GABRB2: variants seen among roughly 807,000 people sequenced by gnomAD.
GABRB2 encodes the protein gamma-aminobutyric acid receptor subunit beta-2.
Under a neutral mutation model 54.7 loss-of-function variants are expected in GABRB2, and 16 were observed. The ratio of observed to expected loss-of-function variants is 0.29; its 90% CI spans 0.20 to 0.44. The LOEUF (loss-of-function observed/expected upper bound fraction) is 0.44. Among genes scored for constraint, GABRB2 ranks in the 20% least tolerant of loss-of-function variants. The pLI is 1.00. For missense variants in GABRB2, 355 were observed against 644.0 expected (o/e 0.55, Z 4.86); for synonymous variants, 244 against 233.8 (o/e 1.04, Z -0.40).
intron 3 of GABRB2, among the ~76,000 whole-genome samples, chr5:161,487,121 T>C (rs1251652015): frequency 6.6e-6 from 1 of 151,970 alleles, no homozygotes; most frequent in Non-Finnish European, 1.5e-5. Context: ...ACACAGATAC[T>C]GAAAATGTTC....
Position 161,481,230 on chromosome 5 carries a change from G to A in GABRB2, c.238-21386C>T, listed in dbSNP as rs142058769. On this transcript the variant is annotated intron_variant, in intron 3 of 9. Transcript: ENST00000393959. Reference sequence around the variant, plus strand: ...TAGATGAATGGAATCCATATTAGATGTGGCCACATAAGTGAAGAAGCCAAC... The same window carrying A: ...TAGATGAATGGAATCCATATTAGATATGGCCACATAAGTGAAGAAGCCAAC... Among the ~76,000 whole-genome samples, 48 of 152,134 alleles carry A rather than the reference G, an allele frequency of 3.2e-4. No homozygotes were observed. In the East Asian group the frequency reaches 8.5e-3, roughly 27 times the overall value.
In GABRB2 at chr5:161,293,492, G is replaced by A. The variant is rs1220474780; in HGVS notation, c.*589C>T. On this transcript the variant is annotated 3_prime_UTR_variant, in exon 10 of 10. Coordinates refer to ENST00000393959, the MANE Select transcript of GABRB2 (RefSeq NM_001371727.1). ...GTTGATTCTCCGTGCTCAAGCAAAGGGACTGGCCAAATCGGTTTCCTGAGT... is the reference window on the plus strand; with the variant it reads ...GTTGATTCTCCGTGCTCAAGCAAAGAGACTGGCCAAATCGGTTTCCTGAGT... 1 of 152,340 alleles carries A rather than the reference G, an allele frequency of 6.6e-6. No individual in the cohort carries two copies. Among genetic ancestry groups the A allele is most frequent in the Admixed American group, 6.5e-5 (1 of 15,300 alleles). 9.4% of individuals were successfully genotyped at this position (152,340 alleles called of 1,614,324 possible).
intron 5 of GABRB2, among the ~76,000 whole-genome samples, chr5:161,373,498 A>G (rs1392464133): frequency 6.6e-6 from 1 of 152,102 alleles, no homozygotes; most frequent in Admixed American, 6.6e-5. Flanking sequence ...ATATTGTTCC[A>G]CTGATCAAAC....
chr5:161,388,407 T>A (rs924229787), intron 5 of GABRB2, among the ~76,000 whole-genome samples: 7 of 152,056 alleles, frequency 4.6e-5, no homozygotes, highest in Admixed American at 1.3e-4. Flanking sequence ...CCTATCGAAA[T>A]TTTTCAAACT....
intron 4 of GABRB2, among the ~76,000 whole-genome samples, chr5:161,416,041 CA>C (rs1756656622): frequency 1.3e-5 from 2 of 152,248 alleles, no homozygotes; most frequent in African/African-American, 4.8e-5. Context: ...CAGGTTCAAG[CA>C]ATCCTCCTAC....
intron 7 of GABRB2, among the ~76,000 whole-genome samples, chr5:161,333,153 T>C (rs1019268269): frequency 6.6e-6 from 1 of 152,224 alleles, no homozygotes; most frequent in Non-Finnish European, 1.5e-5. Flanking sequence ...ATGAATTATT[T>C]ATTGTTCCTG....
intron 4 of GABRB2, among the ~76,000 whole-genome samples, chr5:161,444,452 G>C (rs542283485): frequency 1.3e-5 from 2 of 152,008 alleles, no homozygotes; most frequent in African/African-American, 4.8e-5. Context: ...GGCTAATATG[G>C]GTCACTTAAT....
In GABRB2 at chr5:161,492,466, C is replaced by T. The variant is rs114598615; in HGVS notation, c.238-32622G>A. Among the ~76,000 whole-genome samples the T allele has an allele frequency of 4.5e-3, 679 of 151,786 alleles. 4 individuals carry two copies. Among genetic ancestry groups the T allele is most frequent in the African/African-American group, 0.016 (650 of 41,480 alleles). Reference sequence around the variant, plus strand: ...CCATTTCCTTGAAACCCAAGGAAGACTGTTAAACTAAGCCGTGTTAAACAC... The same window carrying T: ...CCATTTCCTTGAAACCCAAGGAAGATTGTTAAACTAAGCCGTGTTAAACAC... On this transcript the variant is annotated intron_variant, in intron 3 of 9. Coordinates refer to ENST00000393959, the MANE Select transcript of GABRB2 (RefSeq NM_001371727.1).
At chr5:161,336,877 A>C in intron 5 of GABRB2, 108 bp from the exon 6 acceptor site, 1 of 1,118,966 alleles carries the variant, frequency 8.9e-7, no homozygotes, top group Non-Finnish European at 1.2e-6. Context: ...TATATAAATA[A>C]TATAAAGATA....
intron 3 of GABRB2, among the ~76,000 whole-genome samples, chr5:161,527,200 A>T (rs182834603): frequency 6.6e-6 from 1 of 151,414 alleles, no homozygotes; most frequent in African/African-American, 2.4e-5. Flanking sequence ...GACAAGAAGG[A>T]TTTCCTATGT....
intron 4 of GABRB2, among the ~76,000 whole-genome samples, chr5:161,431,026 C>G (rs1189779540): frequency 6.6e-6 from 1 of 152,058 alleles, no homozygotes; most frequent in Non-Finnish European, 1.5e-5. Context: ...AATTGTGTCT[C>G]CAAAAACACA....
intron 4 of GABRB2, among the ~76,000 whole-genome samples, chr5:161,447,369 T>C (rs917468180): frequency 2.0e-5 from 3 of 152,160 alleles, no homozygotes; most frequent in African/African-American, 7.2e-5. Flanking sequence ...GATTTGTTCT[T>C]TATCCTGGTC....
chr5:161,485,461 C>G (rs559180850), intron 3 of GABRB2, among the ~76,000 whole-genome samples: 3 of 152,034 alleles, frequency 2.0e-5, no homozygotes, highest in Middle Eastern at 3.4e-3. Context: ...TTGAGCTGAG[C>G]ATCATTCTTT....
intron 4 of GABRB2, among the ~76,000 whole-genome samples, chr5:161,431,531 C>T (rs1757171613): frequency 6.6e-6 from 1 of 152,154 alleles, no homozygotes; most frequent in African/African-American, 2.4e-5. Context: ...GGCAAGAATG[C>T]TCTGCCAAAC....
At chr5:161,458,836 A>G (rs940957119) in intron 4 of GABRB2, among the ~76,000 whole-genome samples, 1 of 152,244 alleles carries the variant, frequency 6.6e-6, no homozygotes, top group African/African-American at 2.4e-5. Flanking sequence ...TATTATCACC[A>G]TTATGAGAAG....
chr5:161,353,993 A>G (rs1754544664), intron 5 of GABRB2, among the ~76,000 whole-genome samples: 1 of 152,066 alleles, frequency 6.6e-6, no homozygotes, highest in Non-Finnish European at 1.5e-5. Context: ...CTACGGTTTT[A>G]CACACAAATG....
chr5:161,428,873 C>T (rs1435142488), intron 4 of GABRB2, among the ~76,000 whole-genome samples: 1 of 152,018 alleles, frequency 6.6e-6, no homozygotes, highest in African/African-American at 2.4e-5. Flanking sequence ...AGCACAAAAA[C>T]AATTAGGGCA....
chr5:161,314,274 G>A (rs1229267722), intron 9 of GABRB2, among the ~76,000 whole-genome samples: 1 of 152,190 alleles, frequency 6.6e-6, no homozygotes, highest in Non-Finnish European at 1.5e-5. Flanking sequence ...AGCCACAGTA[G>A]GTACCCTCTG....
At position 161,336,785 on chromosome 5, in the gene GABRB2, TACAC is replaced by T. The variant is rs141330383; in HGVS notation, c.542-20_542-17del. 16 of 1,359,554 alleles carry T rather than the reference TACAC, an allele frequency of 1.2e-5. No homozygotes were observed. The highest frequency in any genetic ancestry group is 1.9e-4 in the Middle Eastern group (1 of 5,330). 84.2% of individuals were successfully genotyped at this position (1,359,554 alleles called of 1,614,324 possible). On this transcript the variant is annotated splice_polypyrimidine_tract_variant and intron_variant, in intron 5 of 9. Transcript: ENST00000393959. ...GTGTATCCATCTGTGAAAGGAAACA[TACAC>T]ACACACACACACAAATACAGAAAAC...
Sources: gnomAD v4.1 joint callset for allele counts (sites outside exome capture counted in the v4.1 genomes callset) on GRCh38, gnomAD v4.1.1 for gene constraint, MANE v1.5 for transcripts, NCBI Gene and HGNC (gene_info 2026-07-23, HGNC 2026-07-21) for gene names.